Variants in SH3BGR observed in about 807,000 individuals in gnomAD.
SH3BGR encodes SH3 domain binding glutamate rich protein.
Under a neutral mutation model 24.5 loss-of-function variants are expected in SH3BGR, and 29 were observed. That is an observed-to-expected ratio of 1.18 (90% CI 0.88 to 1.61). The LOEUF (loss-of-function observed/expected upper bound fraction) is 1.61, where lower values mean the gene tolerates loss of function less well. Among genes scored for constraint, SH3BGR ranks in the 40% most tolerant of loss-of-function variants. SH3BGR has a pLI of 0.00. For synonymous variants in SH3BGR, 55 were observed against 65.7 expected, an observed-to-expected ratio of 0.84 and a Z score of 0.79; for missense variants, 162 against 205.8, an observed-to-expected ratio of 0.79 and a Z score of 1.30.
intron 3 of SH3BGR, among the ~76,000 whole-genome samples, chr21:39,494,808 A>T (rs2123478561): frequency 6.6e-6 from 1 of 151,586 alleles, no homozygotes; most frequent in South Asian, 2.1e-4. Flanking sequence ...ATTTGTTTTC[A>T]TTTCCCCTTC....
chr21:39,447,096 T>C (rs2077494314), upstream of SH3BGR: 1 of 152,166 alleles, frequency 6.6e-6, no homozygotes, highest in Non-Finnish European at 1.5e-5. Flanking sequence ...CCGTATAAGA[T>C]GGGTGCCGGT....
At chr21:39,449,352 C>A (rs992133798), upstream of SH3BGR, among the ~76,000 whole-genome samples, 4 of 152,184 alleles carry the variant, frequency 2.6e-5, no homozygotes, top group African/African-American at 7.2e-5. Context: ...TTCCTTCCTC[C>A]GTGGATCTCC....
intron 5 of SH3BGR, among the ~76,000 whole-genome samples, chr21:39,510,120 T>G (rs2078652349): frequency 6.9e-6 from 1 of 144,692 alleles, no homozygotes; most frequent in Non-Finnish European, 1.5e-5. Flanking sequence ...TTTTTTGTAT[T>G]TTTAGTAGAG....
intron 3 of SH3BGR, among the ~76,000 whole-genome samples, chr21:39,482,509 G>A (rs976484692): frequency 6.6e-6 from 1 of 152,116 alleles, no homozygotes; most frequent in Admixed American, 6.5e-5. Flanking sequence ...TAAAAATACT[G>A]GAGTTACGTA....
chr21:39,499,963 C>G (rs774782842), intron 4 of SH3BGR, 48 bp downstream of exon 4: 158 of 1,351,380 alleles, frequency 1.2e-4, no homozygotes, highest in Middle Eastern at 1.8e-4. Flanking sequence ...CTCTGCTGTT[C>G]GAGACTTTTA....
chr21:39,510,940 TATATATAC>T lies in SH3BGR; in HGVS notation c.436-739_436-732del, dbSNP rs1453867078. Among the ~76,000 whole-genome samples the T allele has an allele frequency of 1.3e-4, 19 of 143,274 alleles. 1 individual carries two copies. In the East Asian group the frequency reaches 2.5e-3, roughly 19 times the overall value. The allele number at this position is 143,274 out of a possible 152,430, so 94.0% of individuals were successfully genotyped here. On this transcript the variant is annotated intron_variant, in intron 5 of 6. Coordinates refer to ENST00000333634, the MANE Select transcript of SH3BGR (RefSeq NM_007341.3). Reference sequence around the variant, plus strand: ...ATATATATATATATATATATATATATATATATACTTTCTGAATTTGTAAAGGTTATTTG... The same window carrying T: ...ATATATATATATATATATATATATATTTTCTGAATTTGTAAAGGTTATTTG...
Position 39,515,241 on chromosome 21 carries a change from A to G in SH3BGR, c.*188A>G, listed in dbSNP as rs971310969. The G allele has an allele frequency of 2.6e-6, 1 of 391,068 alleles. No individual in the cohort carries two copies. Among genetic ancestry groups the G allele is most frequent in the African/African-American group, 2.1e-5 (1 of 47,428 alleles). The allele number at this position is 391,068 out of a possible 1,614,324, so 24.2% of individuals were successfully genotyped here. On this transcript the variant is annotated 3_prime_UTR_variant, in exon 7 of 7. Transcript: ENST00000333634. ...ATGGAGGTATCTCCCGAATCATACA[A>G]AATTAAATGTGAAGACCGTTTATGC...
At chr21:39,472,311 A>C (rs2077954007) in intron 2 of SH3BGR, among the ~76,000 whole-genome samples, 1 of 152,110 alleles carries the variant, frequency 6.6e-6, no homozygotes, top group African/African-American at 2.4e-5. Context: ...CCCAGGAGCA[A>C]GAGAAAGGGA....
At chr21:39,451,452 A>G (rs1303727884), upstream of SH3BGR, among the ~76,000 whole-genome samples, 1 of 152,156 alleles carries the variant, frequency 6.6e-6, no homozygotes, top group African/African-American at 2.4e-5. Flanking sequence ...AAGAGAGCAC[A>G]CTGGAAACAG....
chr21:39,510,429 T>TAC (rs140320437), intron 5 of SH3BGR, among the ~76,000 whole-genome samples: 2,363 of 105,614 alleles, frequency 0.022, 69 homozygotes, highest in African/African-American at 0.03. Flanking sequence ...ACACTGTAGC[T>TAC]ACACACACAC....
At chr21:39,450,892 T>C (rs979423615), upstream of SH3BGR, among the ~76,000 whole-genome samples, 1 of 152,162 alleles carries the variant, frequency 6.6e-6, no homozygotes, top group Non-Finnish European at 1.5e-5. Context: ...CTCAAACTCC[T>C]GGCTAAAGGG....
At chr21:39,477,648 T>C (rs1485134328) in intron 3 of SH3BGR, among the ~76,000 whole-genome samples, 1 of 152,170 alleles carries the variant, frequency 6.6e-6, no homozygotes, top group Non-Finnish European at 1.5e-5. Flanking sequence ...TCTGGGAGGA[T>C]TATAACATTC....
intron 3 of SH3BGR, among the ~76,000 whole-genome samples, chr21:39,493,799 T>C (rs907093987): frequency 6.6e-6 from 1 of 152,166 alleles, no homozygotes; most frequent in Non-Finnish European, 1.5e-5. Flanking sequence ...TTTCAGCAGT[T>C]TTGTAATTTT....
chr21:39,494,894 C>T (rs2078367361), intron 3 of SH3BGR, among the ~76,000 whole-genome samples: 2 of 151,638 alleles, frequency 1.3e-5, no homozygotes, highest in African/African-American at 4.8e-5. Context: ...TTTTTTCAGT[C>T]TTGTTTTTCT....
At chr21:39,510,332 C>T (rs893437734) in intron 5 of SH3BGR, among the ~76,000 whole-genome samples, 4 of 150,490 alleles carry the variant, frequency 2.7e-5, no homozygotes, top group African/African-American at 9.8e-5. Flanking sequence ...AGCTTTTAAC[C>T]CTCGTTACCC....
rs1206981055 is a variant in SH3BGR at position 39,511,694 on chromosome 21, C to T, written c.450C>T (p.Ala150=). 6.2e-7 allele frequency: 1 copy of T among 1,611,378 alleles called. No homozygotes were observed. The highest frequency in any genetic ancestry group is 2.2e-5 in the East Asian group (1 of 44,772). Residue 150 remains alanine (A), a synonymous_variant, in exon 6 of 7, where the codon GCC becomes GCT. Coordinates refer to ENST00000333634, the MANE Select transcript of SH3BGR (RefSeq NM_007341.3). This position sits in a 1 kb window ranked among gnomAD's most constrained non-coding sequence, Gnocchi z 4.2. ...ETATEETEEI[A]MEGAEGEAEE... ...GTTAAAATAAGACGGAAGAAATAGC[C>T]ATGGAGGGTGCGGAAGGGGAAGCCG...
intron 3 of SH3BGR, among the ~76,000 whole-genome samples, chr21:39,477,051 C>CT (rs1269736070): frequency 2.0e-5 from 3 of 151,912 alleles, no homozygotes; most frequent in East Asian, 3.9e-4. Context: ...TTTTTTATTC[C>CT]TTTTTTTATA....
chr21:39,469,157 C>T (rs1480983833), intron 2 of SH3BGR, among the ~76,000 whole-genome samples: 1 of 151,814 alleles, frequency 6.6e-6, no homozygotes, highest in Non-Finnish European at 1.5e-5. Context: ...GAGGAAGGTA[C>T]AGAAATTTCC....
chr21:39,481,960 A>G (rs2078136821), intron 3 of SH3BGR, among the ~76,000 whole-genome samples: 1 of 152,234 alleles, frequency 6.6e-6, no homozygotes, highest in Admixed American at 6.5e-5. Context: ...ATTATTTGCT[A>G]AATTCAAAGG....
Sources: gnomAD v4.1 joint callset for allele counts (sites outside exome capture counted in the v4.1 genomes callset) on GRCh38, gnomAD v4.1.1 for gene constraint, Gnocchi (gnomAD v3.1) non-coding constraint, MANE v1.5 for transcripts, NCBI Gene and HGNC (gene_info 2026-07-23, HGNC 2026-07-21) for gene names.